The following ENO1 variants were observed in gnomAD, a reference collection of about 807,000 sequenced individuals.
The protein encoded by ENO1 is alpha-enolase.
Under a neutral mutation model 46.3 loss-of-function variants are expected in ENO1, and 33 were observed. That is an observed-to-expected ratio of 0.71 (90% CI 0.54 to 0.95). The LOEUF (loss-of-function observed/expected upper bound fraction) is 0.95. Ranked by LOEUF, ENO1 falls within the 40% of genes least tolerant of loss-of-function variation. ENO1 has a pLI of 0.00. For synonymous variants in ENO1, 220 were observed against 216.0 expected (o/e 1.02, Z -0.16); for missense variants, 488 against 553.3 (o/e 0.88, Z 1.18).
chr1:8,878,463 C>T (rs1396259052), intron 1 of ENO1, 117 bp downstream of exon 1: 1 of 367,504 alleles, frequency 2.7e-6, no homozygotes, highest in African/African-American at 2.1e-5. Context: ...CACGTGCCCC[C>T]GACCCCGCCA....
At chr1:8,868,848 A>T (rs1221943581) in intron 4 of ENO1, among the ~76,000 whole-genome samples, 1 of 149,148 alleles carries the variant, frequency 6.7e-6, no homozygotes, top group East Asian at 2.0e-4. Context: ...TAATTTTTAT[A>T]TTTTTTTTTT....
intron 10 of ENO1, 42 bp from the exon 11 acceptor site, chr1:8,862,987 T>C (rs763468473): frequency 6.2e-7 from 1 of 1,607,652 alleles, no homozygotes. Context: ...CGGACAAGCT[T>C]TGCAGGCATT....
intron 9 of ENO1, 30 bp downstream of exon 9, chr1:8,863,861 G>A: frequency 6.2e-7 from 1 of 1,613,134 alleles, no homozygotes; most frequent in Non-Finnish European, 8.5e-7. Flanking sequence ...CGTAGCTGCG[G>A]GAAAGCTGCT....
chr1:8,864,338 T>G (rs1392856425), intron 8 of ENO1, among the ~76,000 whole-genome samples: 1 of 152,156 alleles, frequency 6.6e-6, no homozygotes, highest in African/African-American at 2.4e-5. Context: ...TCTCACTCTG[T>G]CACCCAGGCT....
intron 2 of ENO1, 58 bp downstream of exon 2, chr1:8,874,766 A>C: frequency 1.3e-6 from 2 of 1,505,386 alleles, no homozygotes; most frequent in Non-Finnish European, 1.8e-6. Context: ...ATTTGTAGAA[A>C]ATTTTTAAAA....
At chr1:8,864,144 A>C (rs1298806558) in intron 8 of ENO1, 52 bp from the exon 9 acceptor site, 1 of 1,592,070 alleles carries the variant, frequency 6.3e-7, no homozygotes, top group Admixed American at 1.7e-5. Flanking sequence ...AGTGTGCTCC[A>C]CCGCAATGCC....
chr1:8,874,866 G>T lies in ENO1; in HGVS notation c.43C>A (p.Arg15Ser). ...KIHAREIFDS[R>S]GNPTVEVDLF... ...TCAACCTCAACAGTGGGATTCCCGC[G>T]AGAGTCAAAGATCTCCCTGGCATGG... The change falls in exon 2 of 12, where the codon CGC becomes AGC. Residue 15 changes from arginine (R) to serine (S), a missense_variant. Physicochemically the swap from Arg to Ser is moderately radical, Grantham distance 110. Transcript: ENST00000234590. 6.2e-7 allele frequency: 1 copy of T among 1,613,780 alleles called. No individual in the cohort carries two copies. The highest frequency in any genetic ancestry group is 8.5e-7 in the Non-Finnish European group (1 of 1,179,856).
rs775148740 is a variant in ENO1, at chr1:8,866,427, G to A, written c.519C>T (p.Val173=). 2.2e-5 allele frequency: 36 copies of A among 1,614,066 alleles called. No individual in the cohort carries two copies. Among genetic ancestry groups the A allele is most frequent in the Admixed American group, 3.3e-5 (2 of 60,004 alleles). ...LAMQEFMILP[V]GAANFREAMR... ...TGGCTTCCCTGAAGTTTGCTGCACC[G>A]ACTGGGAGGATCATGAACTCCTGCA... Residue 173 remains valine (V), a synonymous_variant, in exon 7 of 12, where the codon GTC becomes GTT. Transcript: ENST00000234590.
chr1:8,862,989 G>A, intron 10 of ENO1, 44 bp from the exon 11 acceptor site: 2 of 1,607,296 alleles, frequency 1.2e-6, no homozygotes, highest in Non-Finnish European at 1.7e-6. Context: ...GACAAGCTTT[G>A]CAGGCATTTC....
chr1:8,876,434 A>G (rs1310312795), intron 1 of ENO1: 1 of 152,228 alleles, frequency 6.6e-6, no homozygotes, highest in Non-Finnish European at 1.5e-5. Context: ...ATACCCGAGT[A>G]ACATTTCCAT....
intron 9 of ENO1, among the ~76,000 whole-genome samples, chr1:8,863,616 C>T (rs1357302348): frequency 1.3e-5 from 2 of 152,222 alleles, no homozygotes; most frequent in African/African-American, 4.8e-5. Flanking sequence ...TCTGACAGAG[C>T]TCTTCACAGA....
At chr1:8,861,514 T>A in intron 11 of ENO1, 85 bp from the exon 12 acceptor site, 1 of 1,393,716 alleles carries the variant, frequency 7.2e-7, no homozygotes, top group Non-Finnish European at 1.0e-6. Flanking sequence ...CTAGATGTGG[T>A]CAAAGACACA....
At chr1:8,865,730 TC>T (rs1439911587) in intron 7 of ENO1, among the ~76,000 whole-genome samples, 1 of 152,040 alleles carries the variant, frequency 6.6e-6, no homozygotes, top group Non-Finnish European at 1.5e-5. Context: ...TGACAAATGC[TC>T]CCAAATTTAG....
chr1:8,874,615 AAAAAAT>A (rs1363763527), intron 2 of ENO1, among the ~76,000 whole-genome samples: 30 of 151,684 alleles, frequency 2.0e-4, no homozygotes, highest in African/African-American at 6.3e-4. Context: ...AAGAAAAAGA[AAAAAAT>A]AAGCCGAGAA....
chr1:8,868,586 G>C (rs890074574), intron 4 of ENO1, among the ~76,000 whole-genome samples: 1 of 152,152 alleles, frequency 6.6e-6, no homozygotes, highest in African/African-American at 2.4e-5. Flanking sequence ...GTCTAATGAT[G>C]GATCAAAATG....
At position 8,866,283 on chromosome 1, in the gene ENO1, T is replaced by A; in HGVS notation, c.663A>T (p.Lys221Asn). ...GCGGTTCCCTAGCGCCTTTACCTTC[T>A]TTATTCTCCAGGATGTTGGGAGCAA... ...GGFAPNILEN[K>N]EGLELLKTAI... The change falls in exon 7 of 12, where the codon AAA becomes AAT. Residue 221 changes from lysine (K) to asparagine (N), a missense_variant. Transcript: ENST00000234590. 1 of 1,613,982 alleles carries A rather than the reference T, an allele frequency of 6.2e-7. No individual in the cohort carries two copies. Among genetic ancestry groups the A allele is most frequent in the Non-Finnish European group, 8.5e-7 (1 of 1,180,024 alleles).
rs778554927 is a variant in ENO1, at chr1:8,870,430, G to C, written c.240+22C>G. ...CGCTCTGGTGGCATTAGACACATTA[G>C]TTATCAGGAGGCAGGTCCTACCTTG... On this transcript the variant is annotated intron_variant, in intron 4 of 11. Transcript: ENST00000234590. The C allele has an allele frequency of 6.8e-6, 11 of 1,614,060 alleles. No individual in the cohort carries two copies. Among genetic ancestry groups the C allele is most frequent in the South Asian group, 3.3e-5 (3 of 91,088 alleles).
chr1:8,878,626 C>T lies in ENO1; in HGVS notation c.-56G>A, dbSNP rs1163836652. On this transcript the variant is annotated 5_prime_UTR_variant, in exon 1 of 12. Coordinates refer to ENST00000234590, the MANE Select transcript of ENO1 (RefSeq NM_001428.5). ...CTAGGAGAGGAAGCGGAGGGTGCTG[C>T]AGACACCGAGGTGAACGTAAAGCCG... The T allele has an allele frequency of 2.2e-6, 1 of 456,114 alleles. No individual in the cohort carries two copies. Among genetic ancestry groups the T allele is most frequent in the Admixed American group, 2.3e-5 (1 of 42,582 alleles). The allele number at this position is 456,114 out of a possible 1,614,324, so 28.3% of individuals were successfully genotyped here. A position where few individuals can be genotyped will look rare whatever the true frequency, so the allele number is the denominator to read the frequency against.
chr1:8,870,421 GAC>G (rs759006817), intron 4 of ENO1, 29 bp downstream of exon 4: 161 of 1,613,988 alleles, frequency 1.0e-4, no homozygotes, highest in Non-Finnish European at 1.4e-4. Flanking sequence ...GGTGGCATTA[GAC>G]ACATTAGTTA....
Sources: allele counts gnomAD v4.1 joint callset (sites outside exome capture counted in the v4.1 genomes callset), GRCh38; gene constraint gnomAD v4.1.1; transcripts MANE v1.5; gene names NCBI Gene and HGNC (gene_info 2026-07-23, HGNC 2026-07-21).